The following CBFB variants were observed in gnomAD, a reference collection of about 807,000 sequenced individuals.
The protein encoded by CBFB is core-binding factor subunit beta, also known as CBF-beta.
In CBFB, 9 loss-of-function variants were observed where a neutral mutation model predicts 30.4. That is an observed-to-expected ratio of 0.30 (90% CI 0.18 to 0.52). The LOEUF is 0.52. CBFB is among the 20% of genes least tolerant of loss of function. The pLI is 0.97. For missense variants in CBFB, 170 were observed against 244.0 expected, an observed-to-expected ratio of 0.70 and a Z score of 2.02; for synonymous variants, 94 against 84.0, an observed-to-expected ratio of 1.12 and a Z score of -0.65.
rs1961592477 is a variant in CBFB at position 67,082,466 on chromosome 16, A to G, written c.495+158A>G. On this transcript the variant is annotated intron_variant, in intron 5 of 5. Coordinates refer to ENST00000412916, the MANE Select transcript of CBFB (RefSeq NM_022845.3). The stretch of plus-strand genomic sequence containing the variant: ...TCTGGCTTTGTGTTTATTAAATGTA[A>G]TTGCTATAAAGAAATTTATTTTAAT... 14 of 734,990 alleles carry G rather than the reference A, an allele frequency of 1.9e-5. No individual in the cohort carries two copies. The Admixed American group carries it at 4.1e-4, about 21-fold the overall frequency. The allele number at this position is 734,990 out of a possible 1,614,324, so 45.5% of individuals were successfully genotyped here.
intron 2 of CBFB, among the ~76,000 whole-genome samples, chr16:67,032,300 G>C (rs982024707): frequency 3.3e-5 from 5 of 152,274 alleles, no homozygotes; most frequent in African/African-American, 9.6e-5. Flanking sequence ...ACTCCAGCCT[G>C]GGTGACAGAG....
chr16:67,063,884 C>A (rs1261065035), intron 3 of CBFB, among the ~76,000 whole-genome samples: 3 of 151,390 alleles, frequency 2.0e-5, no homozygotes, highest in Non-Finnish European at 2.9e-5. Context: ...AAATGAGTTT[C>A]AAAAAAAAGA....
chr16:67,031,828 T>C (rs1365261658), intron 2 of CBFB, among the ~76,000 whole-genome samples: 1 of 152,004 alleles, frequency 6.6e-6, no homozygotes, highest in African/African-American at 2.4e-5. Context: ...TCGTTTTTTT[T>C]TTTTAAGAGA....
At chr16:67,032,184 T>A (rs1966363118) in intron 2 of CBFB, among the ~76,000 whole-genome samples, 1 of 152,176 alleles carries the variant, frequency 6.6e-6, no homozygotes, top group African/African-American at 2.4e-5. Context: ...ATGAATTTAT[T>A]TCCAGGATGA....
intron 4 of CBFB, among the ~76,000 whole-genome samples, chr16:67,080,043 G>T (rs1597154014): frequency 6.6e-6 from 1 of 152,152 alleles, no homozygotes; most frequent in East Asian, 1.9e-4. Context: ...AGTGAGCAGA[G>T]ATCACACTGC....
intron 4 of CBFB, among the ~76,000 whole-genome samples, chr16:67,075,985 A>G (rs1181504742): frequency 6.6e-6 from 1 of 152,096 alleles, no homozygotes; most frequent in Non-Finnish European, 1.5e-5. Context: ...TAATCCCAGC[A>G]CTTTGGGAGG....
intron 2 of CBFB, among the ~76,000 whole-genome samples, chr16:67,031,960 G>A (rs913803931): frequency 8.5e-5 from 13 of 152,048 alleles, no homozygotes; most frequent in African/African-American, 2.9e-4. Context: ...CCAATAGCTG[G>A]GACTACAGGC....
intron 3 of CBFB, among the ~76,000 whole-genome samples, chr16:67,041,527 G>A (rs140613539): frequency 3.9e-5 from 6 of 152,150 alleles, no homozygotes; most frequent in South Asian, 2.1e-4. Flanking sequence ...GCTTGAACCC[G>A]GGAAGGGGAG....
intron 4 of CBFB, among the ~76,000 whole-genome samples, chr16:67,073,544 G>T (rs890069520): frequency 7.9e-5 from 12 of 152,156 alleles, no homozygotes; most frequent in Non-Finnish European, 1.3e-4. Context: ...TCAGGAGTTC[G>T]AGACCAGCCT....
intron 5 of CBFB, among the ~76,000 whole-genome samples, chr16:67,097,392 A>C (rs551729052): frequency 6.6e-6 from 1 of 152,104 alleles, no homozygotes; most frequent in South Asian, 2.1e-4. Context: ...CTAAAACTAC[A>C]AAATTAGCCG....
intron 4 of CBFB, among the ~76,000 whole-genome samples, chr16:67,070,977 A>G (rs1232907417): frequency 6.6e-6 from 1 of 152,160 alleles, no homozygotes; most frequent in East Asian, 1.9e-4. Context: ...CTATATCACT[A>G]CAAATTAAGT....
At chr16:67,066,648 T>G (rs776056508) in intron 3 of CBFB, 34 bp from the exon 4 acceptor site, 2 of 1,148,696 alleles carry the variant, frequency 1.7e-6, no homozygotes, top group South Asian at 2.5e-5. Context: ...TGTCTGATGG[T>G]TTTCAATTAT....
chr16:67,097,320 C>T (rs1597166670), intron 5 of CBFB, among the ~76,000 whole-genome samples: 3 of 151,944 alleles, frequency 2.0e-5, no homozygotes, highest in South Asian at 2.1e-4. Context: ...CCGAGGCGGG[C>T]AGATCACCTG....
intron 2 of CBFB, among the ~76,000 whole-genome samples, chr16:67,033,584 C>T (rs1966390752): frequency 6.6e-6 from 1 of 151,716 alleles, no homozygotes. Context: ...TGAGCCACTG[C>T]ACCCAGCCTT....
intron 5 of CBFB, among the ~76,000 whole-genome samples, chr16:67,086,076 G>A (rs971687467): frequency 6.6e-6 from 1 of 152,170 alleles, no homozygotes; most frequent in African/African-American, 2.4e-5. Context: ...AAGAATACTT[G>A]TTAGCTAAGA....
At chr16:67,051,093 G>A (rs1325229700) in intron 3 of CBFB, among the ~76,000 whole-genome samples, 2 of 152,194 alleles carry the variant, frequency 1.3e-5, no homozygotes, top group Non-Finnish European at 2.9e-5. Flanking sequence ...CAAAACTGTG[G>A]CTAAGCGGGG....
chr16:67,097,675 G>C (rs1962093210), intron 5 of CBFB, among the ~76,000 whole-genome samples: 1 of 151,900 alleles, frequency 6.6e-6, no homozygotes, highest in South Asian at 2.1e-4. Context: ...CATATAATTA[G>C]TAGAACATAT....
At chr16:67,078,051 TC>T (rs1194353303) in intron 4 of CBFB, among the ~76,000 whole-genome samples, 4 of 152,218 alleles carry the variant, frequency 2.6e-5, no homozygotes, top group African/African-American at 2.4e-5. Flanking sequence ...AGTTGGTTGT[TC>T]CTAGCCATTT....
chr16:67,048,471 TTAAAA>T (rs1966670150), intron 3 of CBFB, among the ~76,000 whole-genome samples: 1 of 152,196 alleles, frequency 6.6e-6, no homozygotes, highest in African/African-American at 2.4e-5. Context: ...TTATAAAATA[TTAAAA>T]TAAGATATTA....
Sources: gnomAD v4.1 joint callset for allele counts (sites outside exome capture counted in the v4.1 genomes callset) on GRCh38, gnomAD v4.1.1 for gene constraint, MANE v1.5 for transcripts, NCBI Gene and HGNC (gene_info 2026-07-23, HGNC 2026-07-21) for gene names.